The following ETS1 variants were observed in gnomAD, a reference collection of about 807,000 sequenced individuals.
ETS1 encodes the protein protein C-ets-1.
In ETS1, 15 loss-of-function variants were observed where a neutral mutation model predicts 58.6. The ratio of observed to expected loss-of-function variants is 0.26; its 90% CI spans 0.17 to 0.39. The LOEUF is 0.39. Among genes scored for constraint, ETS1 ranks in the 10% least tolerant of loss-of-function variants. ETS1 has a pLI of 1.00. For synonymous variants in ETS1, 214 were observed against 218.2 expected (o/e 0.98, Z 0.17); for missense variants, 417 against 610.5 (o/e 0.68, Z 3.34).
intron 1 of ETS1, among the ~76,000 whole-genome samples, chr11:128,584,991 G>GAAAGAAAGA (rs1229787802): frequency 4.2e-4 from 5 of 11,814 alleles, no homozygotes; most frequent in East Asian, 3.9e-3. Flanking sequence ...AGAAAGAAAG[G>GAAAGAAAGA]AAGGAAGGAA....
Position 128,463,580 on chromosome 11 carries a change from CAGTG to C in ETS1, c.1167_1170del (p.Thr390IlefsTer38), listed in dbSNP as rs1489485537. 6.2e-7 allele frequency: 1 copy of C among 1,613,060 alleles called. No individual in the cohort carries two copies. The highest frequency in any genetic ancestry group is 8.5e-7 in the Non-Finnish European group (1 of 1,179,148). ...CTGATAAAAGACTGACAGGATTTATCAGTGAGTAATTCCAGAAGAAACTGCCATA... is the reference window on the plus strand; with the variant it reads ...CTGATAAAAGACTGACAGGATTTATCAGTAATTCCAGAAGAAACTGCCATA... On this transcript the variant is annotated frameshift_variant, in exon 9 of 10. Transcript: ENST00000392668. LOFTEE classifies it high-confidence loss of function. The surrounding 1 kb of genome is among the most constrained non-coding windows in gnomAD (Gnocchi z 4.1).
intron 2 of ETS1, among the ~76,000 whole-genome samples, chr11:128,570,785 C>T (rs1864610574): frequency 6.6e-6 from 1 of 152,100 alleles, no homozygotes; most frequent in Non-Finnish European, 1.5e-5. Context: ...AGGAGGAGCC[C>T]TTTTCTGGCA....
intron 3 of ETS1, among the ~76,000 whole-genome samples, chr11:128,521,261 C>T (rs1863659915): frequency 1.3e-5 from 2 of 152,180 alleles, no homozygotes; most frequent in South Asian, 4.1e-4. Flanking sequence ...TTCCAACGGA[C>T]CTTTGGTACC....
chr11:128,513,687 GT>G (rs1260988277), intron 3 of ETS1, among the ~76,000 whole-genome samples: 2 of 152,196 alleles, frequency 1.3e-5, no homozygotes, highest in African/African-American at 4.8e-5. Flanking sequence ...GGTACTAGAA[GT>G]ACAAAAGTCG....
chr11:128,548,239 A>G lies in ETS1; in HGVS notation c.214+8052T>C, dbSNP rs574421414. Reference sequence around the variant, plus strand: ...GGAGGGAGGGGAACCCCGGGCAATTACAGTAATGTATGAAAAGGTAACCTA... The same window carrying G: ...GGAGGGAGGGGAACCCCGGGCAATTGCAGTAATGTATGAAAAGGTAACCTA... On this transcript the variant is annotated intron_variant, in intron 3 of 9. Coordinates refer to ENST00000392668, the MANE Select transcript of ETS1 (RefSeq NM_001143820.2). Among the ~76,000 whole-genome samples the G allele has an allele frequency of 2.6e-5, 4 of 151,358 alleles. No homozygotes were observed. The East Asian group carries it at 7.8e-4, about 29-fold the overall frequency.
At chr11:128,552,035 T>TC (rs1439796334) in intron 3 of ETS1, among the ~76,000 whole-genome samples, 30 of 151,722 alleles carry the variant, frequency 2.0e-4, no homozygotes, top group African/African-American at 7.3e-4. Context: ...ACCCTGGGAG[T>TC]TTCTGCTTCG....
At chr11:128,570,938 T>C (rs1864613685) in intron 2 of ETS1, among the ~76,000 whole-genome samples, 1 of 152,196 alleles carries the variant, frequency 6.6e-6, no homozygotes, top group East Asian at 1.9e-4. Context: ...TGATATATAT[T>C]ATCGTCTAAA....
chr11:128,556,349 G>A lies in ETS1; in HGVS notation c.156C>T (p.Pro52=). 6.2e-7 allele frequency: 1 copy of A among 1,613,542 alleles called. No homozygotes were observed. Among genetic ancestry groups the A allele is most frequent in the Non-Finnish European group, 8.5e-7 (1 of 1,179,542 alleles). Residue 52 remains proline, a synonymous_variant, in exon 3 of 10, where the codon CCC becomes CCT. Coordinates refer to ENST00000392668, the MANE Select transcript of ETS1 (RefSeq NM_001143820.2). The part of the protein sequence containing the change: ...SNYHQQRPCY[P]FWDEMATQEV... ...CCTGAGTTGCCATCTCATCCCAAAAGGGGTAGCAAGGTCTTTGCTGGTGAT... is the reference window on the plus strand; with the variant it reads ...CCTGAGTTGCCATCTCATCCCAAAAAGGGTAGCAAGGTCTTTGCTGGTGAT...
intron 8 of ETS1, among the ~76,000 whole-genome samples, chr11:128,468,827 T>TCACCAACAAA (rs1339277907): frequency 2.6e-5 from 4 of 152,184 alleles, no homozygotes; most frequent in African/African-American, 7.2e-5. Flanking sequence ...GCACAGTGCC[T>TCACCAACAAA]CACCAACAAA....
chr11:128,562,439 C>A (rs1864419105), intron 2 of ETS1, among the ~76,000 whole-genome samples: 1 of 151,966 alleles, frequency 6.6e-6, no homozygotes. Flanking sequence ...AAAGAGTGGT[C>A]CCCAGGCAGC....
chr11:128,545,559 T>A (rs1308756644), intron 3 of ETS1, among the ~76,000 whole-genome samples: 1 of 152,216 alleles, frequency 6.6e-6, no homozygotes, highest in Non-Finnish European at 1.5e-5. Context: ...AGACCACATA[T>A]GTGCAATCCT....
At chr11:128,521,748 CCTCCTCCTT>C (rs1325118869) in intron 3 of ETS1, among the ~76,000 whole-genome samples, 2 of 152,226 alleles carry the variant, frequency 1.3e-5, no homozygotes, top group South Asian at 2.1e-4. Flanking sequence ...TCCTCCTCCT[CCTCCTCCTT>C]CTCCTCCTCG....
intron 3 of ETS1, chr11:128,526,607 C>T: frequency 3.8e-6 from 1 of 264,920 alleles, no homozygotes; most frequent in South Asian, 3.4e-5. Context: ...CAACTATCAC[C>T]ACATTTCATT....
chr11:128,585,051 A>G lies in ETS1; in HGVS notation c.-15+2437T>C, dbSNP rs1353116090. 1.5e-4 allele frequency among the ~76,000 whole-genome samples: 4 copies of G among 26,682 alleles called. 1 individual carries two copies. Among genetic ancestry groups the G allele is most frequent in the Non-Finnish European group, 2.5e-4 (4 of 15,710 alleles). 17.5% of individuals were successfully genotyped at this position (26,682 alleles called of 152,430 possible). A position where few individuals can be genotyped will look rare whatever the true frequency, so the allele number is the denominator to read the frequency against. Reference sequence around the variant, plus strand: ...AGAAAGAAAAGAAAGAAAGAAAGAAAGAAAGAAAGAAAGAAAGAAAGAAAG... The same window carrying G: ...AGAAAGAAAAGAAAGAAAGAAAGAAGGAAAGAAAGAAAGAAAGAAAGAAAG... On this transcript the variant is annotated intron_variant, in intron 1 of 9. Transcript: ENST00000392668.
At chr11:128,580,734 T>C (rs1382366064) in intron 1 of ETS1, among the ~76,000 whole-genome samples, 1 of 152,240 alleles carries the variant, frequency 6.6e-6, no homozygotes, top group Non-Finnish European at 1.5e-5. Flanking sequence ...GCATTTATTC[T>C]TTCACTAAGG....
chr11:128,497,557 G>A, intron 3 of ETS1: 2 of 982,446 alleles, frequency 2.0e-6, no homozygotes, highest in Non-Finnish European at 2.4e-6. Flanking sequence ...GAAGTCCTGA[G>A]GATTTGGTGA....
chr11:128,540,296 G>A (rs921505898), intron 3 of ETS1, among the ~76,000 whole-genome samples: 18 of 143,736 alleles, frequency 1.3e-4, no homozygotes, highest in Non-Finnish European at 2.4e-4. Flanking sequence ...CTCCAGCCTG[G>A]GCAACAAGAG....
chr11:128,557,360 A>G (rs1443654598), intron 2 of ETS1, among the ~76,000 whole-genome samples: 2 of 152,266 alleles, frequency 1.3e-5, no homozygotes, highest in Non-Finnish European at 2.9e-5. Context: ...GAAAGTAATA[A>G]TACTTACTTC....
Position 128,549,805 on chromosome 11 carries a change from G to T in ETS1, c.214+6486C>A, listed in dbSNP as rs2135551441. ...CATGGGGTCTCTGGTCTCTAACCTG[G>T]GTGTGCAGCTCTTTCTGGCCCTCAC... On this transcript the variant is annotated intron_variant, in intron 3 of 9. Coordinates refer to ENST00000392668, the MANE Select transcript of ETS1 (RefSeq NM_001143820.2). This position sits in a 1 kb window ranked among gnomAD's most constrained non-coding sequence, Gnocchi z 4.3. Among the ~76,000 whole-genome samples the T allele has an allele frequency of 6.6e-6, 1 of 152,270 alleles. No homozygotes were observed. Among genetic ancestry groups the T allele is most frequent in the Non-Finnish European group, 1.5e-5 (1 of 68,008 alleles).
Sources: allele counts gnomAD v4.1 joint callset (sites outside exome capture counted in the v4.1 genomes callset), GRCh38; gene constraint gnomAD v4.1.1; non-coding constraint Gnocchi (gnomAD v3.1); transcripts MANE v1.5; gene names NCBI Gene and HGNC (gene_info 2026-07-23, HGNC 2026-07-21).